GTF2H1: variants seen among roughly 807,000 people sequenced by gnomAD.
GTF2H1 encodes the protein general transcription factor IIH subunit 1.
GTF2H1 carries 16 observed loss-of-function variants against 71.2 expected under a neutral mutation model. That is an observed-to-expected ratio of 0.22 (90% CI 0.15 to 0.34). The LOEUF (loss-of-function observed/expected upper bound fraction) is 0.34, where lower values mean the gene tolerates loss of function less well. Among genes scored for constraint, GTF2H1 ranks in the 10% least tolerant of loss-of-function variants. The probability of loss-of-function intolerance (pLI) is 1.00; values close to 1 mark genes in which losing one functional copy is unlikely to be tolerated. For missense variants in GTF2H1, 498 were observed against 648.2 expected (o/e 0.77, Z 2.52); for synonymous variants, 215 against 219.0 (o/e 0.98, Z 0.16).
In GTF2H1 at chr11:18,351,877, A is replaced by G. The variant is rs1865434715; in HGVS notation, c.1054-4A>G. 1.4e-6 allele frequency: 2 copies of G among 1,450,420 alleles called. No homozygotes were observed. Among genetic ancestry groups the G allele is most frequent in the African/African-American group, 2.8e-5 (2 of 71,510 alleles). 89.8% of individuals were successfully genotyped at this position (1,450,420 alleles called of 1,614,324 possible). ...AATAAAAAGTACTGTGTTAATAATT[A>G]TAGGCGAAATTACAAGAGTCCATTG... is the stretch of plus-strand genomic sequence containing the variant. On this transcript the variant is annotated splice_region_variant and splice_polypyrimidine_tract_variant and intron_variant, in intron 9 of 14. Transcript: ENST00000265963.
chr11:18,348,692 T>G (rs1439821698), intron 9 of GTF2H1: 2 of 152,234 alleles, frequency 1.3e-5, no homozygotes, highest in Non-Finnish European at 2.9e-5. Context: ...AAAGCATTAA[T>G]GATAATATTG....
Position 18,327,345 on chromosome 11 carries a change from A to G in GTF2H1, c.-16+4605A>G, listed in dbSNP as rs1036457889. 9.3e-5 allele frequency among the ~76,000 whole-genome samples: 14 copies of G among 151,198 alleles called. No homozygotes were observed. The South Asian group carries it at 1.0e-3, about 11-fold the overall frequency. ...TTTTTATCACCCATAGATAATCATT[A>G]TTAAATTTGGTATCTATCCCTTCAT... On this transcript the variant is annotated intron_variant, in intron 1 of 14. Coordinates refer to ENST00000265963, the MANE Select transcript of GTF2H1 (RefSeq NM_005316.4).
chr11:18,334,532 C>G (rs1312156257), intron 2 of GTF2H1, among the ~76,000 whole-genome samples: 1 of 152,192 alleles, frequency 6.6e-6, no homozygotes, highest in Non-Finnish European at 1.5e-5. Flanking sequence ...GTAATACACA[C>G]GCACATTGTG....
In GTF2H1 at chr11:18,322,730, G is replaced by A. The variant is rs1188603466; in HGVS notation, c.-26G>A. 1 of 126,926 alleles carries A rather than the reference G, an allele frequency of 7.9e-6. No homozygotes were observed. The highest frequency in any genetic ancestry group is 1.0e-4 in the Admixed American group (1 of 9,696). 7.9% of individuals were successfully genotyped at this position (126,926 alleles called of 1,614,324 possible). On this transcript the variant is annotated 5_prime_UTR_variant, in exon 1 of 15. Coordinates refer to ENST00000265963, the MANE Select transcript of GTF2H1 (RefSeq NM_005316.4). Reference sequence around the variant, plus strand: ...TAGTTACTTCCTGTCTAGAGTTGTAGCTTCCACCTGGTAAGTTTAGACCGA... The same window carrying A: ...TAGTTACTTCCTGTCTAGAGTTGTAACTTCCACCTGGTAAGTTTAGACCGA...
At chr11:18,363,223 T>C (rs1865747007) in intron 14 of GTF2H1, among the ~76,000 whole-genome samples, 1 of 152,196 alleles carries the variant, frequency 6.6e-6, no homozygotes, top group Non-Finnish European at 1.5e-5. Flanking sequence ...AACTTTTTTA[T>C]ATATATAAGT....
At chr11:18,350,044 G>A (rs777978111) in intron 9 of GTF2H1, among the ~76,000 whole-genome samples, 7 of 152,194 alleles carry the variant, frequency 4.6e-5, no homozygotes, top group Non-Finnish European at 1.0e-4. Context: ...TCATAAAGTT[G>A]AAAAATTCCA....
At chr11:18,328,372 C>T (rs373731438) in intron 1 of GTF2H1, among the ~76,000 whole-genome samples, 12 of 150,956 alleles carry the variant, frequency 7.9e-5, no homozygotes, top group East Asian at 3.9e-4. Context: ...ATTAGCCGGG[C>T]GTGGTGGCAG....
In GTF2H1 at chr11:18,347,874, T is replaced by C; in HGVS notation, c.1008T>C (p.Asp336=). The change falls in exon 9 of 15, where the codon GAT becomes GAC. Residue 336 remains aspartate, a synonymous_variant. Transcript: ENST00000265963. ...NEQTSEPSNM[D]GNSGDADCFQ... is the part of the protein sequence containing the mutation. ...AAACTAGTGAGCCCAGCAACATGGA[T>C]GGAAATTCCGGAGATGCAGACTGCT... The C allele has an allele frequency of 6.2e-7, 1 of 1,613,628 alleles. No homozygotes were observed. The highest frequency in any genetic ancestry group is 8.5e-7 in the Non-Finnish European group (1 of 1,179,858).
intron 1 of GTF2H1, among the ~76,000 whole-genome samples, chr11:18,329,277 C>T (rs1864840991): frequency 6.6e-6 from 1 of 152,214 alleles, no homozygotes; most frequent in African/African-American, 2.4e-5. Flanking sequence ...TCTCCACCTG[C>T]ATGACTCAGC....
chr11:18,335,022 C>G (rs994692062), intron 2 of GTF2H1, among the ~76,000 whole-genome samples: 2 of 152,028 alleles, frequency 1.3e-5, no homozygotes, highest in Admixed American at 6.6e-5. Context: ...TCTTTAGTCC[C>G]TTTCAGGGTA....
chr11:18,323,559 AAAAAC>A (rs1397768095), intron 1 of GTF2H1, among the ~76,000 whole-genome samples: 2 of 151,386 alleles, frequency 1.3e-5, no homozygotes, highest in African/African-American at 4.9e-5. Flanking sequence ...TCTTAAAAAC[AAAAAC>A]AAAAAAAAAA....
At chr11:18,349,909 A>G (rs1014248537) in intron 9 of GTF2H1, among the ~76,000 whole-genome samples, 1 of 152,200 alleles carries the variant, frequency 6.6e-6, no homozygotes, top group East Asian at 1.9e-4. Context: ...ATTACCTACT[A>G]TAAAGTGTAT....
chr11:18,332,822 AG>A (rs1442291324), intron 1 of GTF2H1: 2 of 307,226 alleles, frequency 6.5e-6, no homozygotes, highest in Non-Finnish European at 1.2e-5. Flanking sequence ...AATACTCATT[AG>A]CATATAAGTA....
In GTF2H1 at chr11:18,341,282, A is replaced by G. The variant is rs757733584; in HGVS notation, c.629A>G (p.Asn210Ser). The G allele has an allele frequency of 4.3e-6, 7 of 1,611,288 alleles. No homozygotes were observed. The highest frequency in any genetic ancestry group is 1.8e-4 in the Middle Eastern group (1 of 5,706). Residue 210 changes from asparagine (N) to serine (S), a missense_variant, in exon 6 of 15, where the codon AAT (asparagine) becomes AGT (serine). Asn to Ser is a conservative substitution (Grantham distance 46). Around this residue, in one of 3 missense-constraint regions of GTF2H1, gnomAD observed 216 missense variants for 306.2 expected, o/e 0.71. Transcript: ENST00000265963. ...YPAVKMKYAENVPHNMTEKEF... is the reference protein window; with the variant it reads ...YPAVKMKYAESVPHNMTEKEF... ...ACAGTAAAAATGAAATATGCAGAAAATGTTCCCCACAACATGACAGAGAAG... is the reference window on the plus strand; with the variant it reads ...ACAGTAAAAATGAAATATGCAGAAAGTGTTCCCCACAACATGACAGAGAAG...
intron 2 of GTF2H1, among the ~76,000 whole-genome samples, chr11:18,335,310 A>G (rs1485167173): frequency 1.3e-5 from 2 of 152,250 alleles, no homozygotes; most frequent in Non-Finnish European, 2.9e-5. Context: ...TCTCGAATAT[A>G]AAATTACATA....
intron 1 of GTF2H1, among the ~76,000 whole-genome samples, chr11:18,328,488 G>A (rs1159871347): frequency 6.7e-6 from 1 of 149,746 alleles, no homozygotes; most frequent in African/African-American, 2.5e-5. Context: ...ACTCCAGCCT[G>A]GGTGACAGAG....
At chr11:18,336,041 G>A (rs528756987) in intron 3 of GTF2H1, 95 bp downstream of exon 3, 6 of 784,116 alleles carry the variant, frequency 7.7e-6, no homozygotes, top group South Asian at 2.7e-5. Context: ...ACGTTTTTTC[G>A]GTTTTGGTTT....
intron 9 of GTF2H1, among the ~76,000 whole-genome samples, chr11:18,349,398 C>A (rs939775424): frequency 6.6e-6 from 1 of 152,148 alleles, no homozygotes; most frequent in Non-Finnish European, 1.5e-5. Context: ...TCAGAAATTT[C>A]TTGGCCAGGA....
intron 7 of GTF2H1, among the ~76,000 whole-genome samples, chr11:18,344,877 T>A (rs1171795037): frequency 6.6e-6 from 1 of 152,140 alleles, no homozygotes; most frequent in East Asian, 1.9e-4. Flanking sequence ...GCTTGTTCCC[T>A]AACCAGCTTC....
Sources: allele counts gnomAD v4.1 joint callset (sites outside exome capture counted in the v4.1 genomes callset), GRCh38; gene constraint gnomAD v4.1.1; regional missense constraint gnomAD v4.1.1; transcripts MANE v1.5; gene names NCBI Gene and HGNC (gene_info 2026-07-23, HGNC 2026-07-21).